The following STARD13 variants were observed in gnomAD, a reference collection of about 807,000 sequenced individuals.
STARD13 encodes the protein stAR-related lipid transfer protein 13.
STARD13 carries 62 observed loss-of-function variants against 106.4 expected under a neutral mutation model. The observed-to-expected ratio is 0.58, with a 90% CI of 0.48 to 0.72. The LOEUF (loss-of-function observed/expected upper bound fraction) is 0.72, where lower values mean the gene tolerates loss of function less well. Among genes scored for constraint, STARD13 ranks in the 30% least tolerant of loss-of-function variants. The pLI is 0.00. For synonymous variants in STARD13, 565 were observed against 553.0 expected (o/e 1.02, Z -0.31); for missense variants, 1,387 against 1,424.0 (o/e 0.97, Z 0.42).
intron 4 of STARD13, among the ~76,000 whole-genome samples, chr13:33,133,811 A>C (rs1878682507): frequency 1.3e-5 from 2 of 152,184 alleles, no homozygotes; most frequent in African/African-American, 4.8e-5. Context: ...GCAGTATGAA[A>C]AACACATTGC....
chr13:33,372,118 A>C, the STARD13 span, among the ~76,000 whole-genome samples: 1 of 152,220 alleles, frequency 6.6e-6, no homozygotes, highest in Non-Finnish European at 1.5e-5. Context: ...AGCCAGAAAA[A>C]AGTTTAAAGT....
At chr13:33,248,217 T>G (rs1409154795) in intron 1 of STARD13, among the ~76,000 whole-genome samples, 1 of 151,904 alleles carries the variant, frequency 6.6e-6, no homozygotes, top group Non-Finnish European at 1.5e-5. Context: ...CTGGGCAACA[T>G]AGTGAGACCT....
At chr13:33,378,565 C>T in the STARD13 span, among the ~76,000 whole-genome samples, 96 of 152,124 alleles carry the variant, frequency 6.3e-4, 1 homozygote, top group African/African-American at 2.0e-3. Context: ...CCGAGGCGGG[C>T]GGATCACGAG....
the STARD13 span, among the ~76,000 whole-genome samples, chr13:33,409,162 C>G: frequency 6.6e-6 from 1 of 152,058 alleles, no homozygotes; most frequent in Non-Finnish European, 1.5e-5. Context: ...AATACCTAGA[C>G]CTGTGTCTGG....
chr13:33,551,955 TATATC>T, the STARD13 span, among the ~76,000 whole-genome samples: 4 of 152,092 alleles, frequency 2.6e-5, no homozygotes, highest in Non-Finnish European at 4.4e-5. Flanking sequence ...TGGAAAATGA[TATATC>T]ATACAAACAG....
the STARD13 span, among the ~76,000 whole-genome samples, chr13:33,467,456 A>G: frequency 1.3e-5 from 2 of 152,150 alleles, no homozygotes; most frequent in Admixed American, 1.3e-4. Flanking sequence ...TCACTTGCCC[A>G]CCATTCACTT....
At chr13:33,551,567 C>G in the STARD13 span, among the ~76,000 whole-genome samples, 1 of 2,868 alleles carries the variant, frequency 3.5e-4, no homozygotes, top group Non-Finnish European at 1.1e-3. Flanking sequence ...TTTTGCTTTT[C>G]CCTTTTTTTT....
At chr13:33,233,337 C>G (rs1889020707) in intron 1 of STARD13, among the ~76,000 whole-genome samples, 1 of 152,214 alleles carries the variant, frequency 6.6e-6, no homozygotes, top group Admixed American at 6.5e-5. Context: ...TTCGCTTTAA[C>G]CTTTTTTGCA....
chr13:33,213,629 A>G (rs1887855285), intron 1 of STARD13, among the ~76,000 whole-genome samples: 1 of 152,246 alleles, frequency 6.6e-6, no homozygotes, highest in Non-Finnish European at 1.5e-5. Flanking sequence ...GGCAGAAAGC[A>G]TAAACTACCT....
intron 8 of STARD13, among the ~76,000 whole-genome samples, chr13:33,113,963 C>A (rs1031978247): frequency 6.6e-6 from 1 of 152,152 alleles, no homozygotes; most frequent in African/African-American, 2.4e-5. Context: ...GTGCCATGTT[C>A]TGGAGCAGGG....
upstream of STARD13, among the ~76,000 whole-genome samples, chr13:33,290,526 A>G (rs149211757): frequency 4.5e-3 from 691 of 152,368 alleles, 5 homozygotes; most frequent in African/African-American, 0.015. Context: ...CCAGGACTCC[A>G]TGAAAGAGCT....
chr13:33,211,358 C>T (rs946484609), intron 1 of STARD13, among the ~76,000 whole-genome samples: 7 of 152,014 alleles, frequency 4.6e-5, no homozygotes, highest in African/African-American at 1.7e-4. Flanking sequence ...TTATTCCTAA[C>T]TTCTAATTTC....
chr13:33,294,061 G>A (rs1333267357), intron 1 of STARD13, among the ~76,000 whole-genome samples: 1 of 152,182 alleles, frequency 6.6e-6, no homozygotes, highest in Admixed American at 6.5e-5. Context: ...GACAGTTTAA[G>A]GTCCCTTGTG....
At position 33,103,680 on chromosome 13, in the gene STARD13, T is replaced by C. The variant is rs1004594908; in HGVS notation, c.*1913A>G. On this transcript the variant is annotated 3_prime_UTR_variant, in exon 14 of 14. Coordinates refer to ENST00000336934, the MANE Select transcript of STARD13 (RefSeq NM_178006.4). ...TGCATGTGAAATCTGGACAAGCACC[T>C]CTCTGGGCGATACAAAGCCACTCAT... 1 of 152,572 alleles carries C rather than the reference T, an allele frequency of 6.6e-6. No homozygotes were observed. The highest frequency in any genetic ancestry group is 2.4e-5 in the African/African-American group (1 of 41,430). The allele number at this position is 152,572 out of a possible 1,614,324, so 9.5% of individuals were successfully genotyped here.
intron 1 of STARD13, among the ~76,000 whole-genome samples, chr13:33,224,255 A>C (rs141631895): frequency 1.3e-5 from 2 of 152,336 alleles, no homozygotes; most frequent in African/African-American, 4.8e-5. Context: ...TCATCTTTTC[A>C]GGATTTCATT....
At chr13:33,289,294 A>G (rs1274607184), upstream of STARD13, among the ~76,000 whole-genome samples, 1 of 152,240 alleles carries the variant, frequency 6.6e-6, no homozygotes, top group Non-Finnish European at 1.5e-5. Flanking sequence ...TGAGATAAAC[A>G]GATGGTTACT....
the STARD13 span, among the ~76,000 whole-genome samples, chr13:33,528,096 T>C: frequency 6.7e-6 from 1 of 149,412 alleles, no homozygotes; most frequent in Non-Finnish European, 1.5e-5. Context: ...GTTTGTGTAA[T>C]GAACCTCCAG....
chr13:33,345,274 C>A (rs1295756276), downstream of STARD13, among the ~76,000 whole-genome samples: 4 of 152,200 alleles, frequency 2.6e-5, no homozygotes, highest in Admixed American at 6.5e-5. Context: ...AGGGGACAAG[C>A]TACTTTAGGT....
the STARD13 span, among the ~76,000 whole-genome samples, chr13:33,430,418 G>A: frequency 1.1e-4 from 17 of 152,042 alleles, no homozygotes; most frequent in African/African-American, 3.9e-4. Context: ...TAAAAGACAG[G>A]CAACAATAAC....
Sources: allele counts gnomAD v4.1 joint callset (sites outside exome capture counted in the v4.1 genomes callset), GRCh38; gene constraint gnomAD v4.1.1; transcripts MANE v1.5; gene names NCBI Gene and HGNC (gene_info 2026-07-23, HGNC 2026-07-21).